FBXO34: variants seen among roughly 807,000 people sequenced by gnomAD.
The protein encoded by FBXO34 is F-box protein 34.
In FBXO34, 12 loss-of-function variants were observed where a neutral mutation model predicts 24.5. That is an observed-to-expected ratio of 0.49 (90% CI 0.31 to 0.79). The LOEUF (loss-of-function observed/expected upper bound fraction) is 0.79. Ranked by LOEUF, FBXO34 falls within the 30% of genes least tolerant of loss-of-function variation. The probability of loss-of-function intolerance (pLI) is 0.04; values close to 1 mark genes in which losing one functional copy is unlikely to be tolerated. For missense variants in FBXO34, 823 were observed against 857.7 expected (o/e 0.96, Z 0.51); for synonymous variants, 320 against 311.9 (o/e 1.03, Z -0.27).
the FBXO34 span, chr14:55,380,459 C>T: frequency 1.4e-6 from 1 of 693,318 alleles, no homozygotes. Context: ...ATCCGACCTT[C>T]TCTGTCTTGG....
At chr14:55,423,862 C>G in the FBXO34 span, among the ~76,000 whole-genome samples, 1 of 151,984 alleles carries the variant, frequency 6.6e-6, no homozygotes, top group Non-Finnish European at 1.5e-5. Context: ...CCATTAAAAG[C>G]CTTTATGAAG....
intron 1 of FBXO34, among the ~76,000 whole-genome samples, chr14:55,325,616 C>T (rs1176053174): frequency 6.6e-6 from 1 of 152,128 alleles, no homozygotes; most frequent in Non-Finnish European, 1.5e-5. Context: ...ACTGGGATTA[C>T]AGGCATGTGC....
intron 1 of FBXO34, among the ~76,000 whole-genome samples, chr14:55,313,885 T>C (rs1004511360): frequency 2.6e-5 from 4 of 152,144 alleles, no homozygotes; most frequent in African/African-American, 9.7e-5. Context: ...ACACAAAGCC[T>C]AACCATATCA....
the FBXO34 span, chr14:55,436,558 T>G: frequency 6.2e-7 from 1 of 1,611,372 alleles, no homozygotes; most frequent in Non-Finnish European, 8.5e-7. Flanking sequence ...AATAAAAACT[T>G]ACTGTAGTTG....
intron 1 of FBXO34, among the ~76,000 whole-genome samples, chr14:55,291,388 G>A (rs990632165): frequency 2.0e-5 from 3 of 152,138 alleles, no homozygotes; most frequent in Non-Finnish European, 2.9e-5. Context: ...TGCTAGTTGG[G>A]GTGAAGCATA....
downstream of FBXO34, among the ~76,000 whole-genome samples, chr14:55,372,764 T>C (rs1019070295): frequency 6.6e-6 from 1 of 152,120 alleles, no homozygotes; most frequent in Non-Finnish European, 1.5e-5. Context: ...TCTTCTTTGA[T>C]GCTGCCTTCT....
chr14:55,421,486 T>C, the FBXO34 span, among the ~76,000 whole-genome samples: 1 of 152,184 alleles, frequency 6.6e-6, no homozygotes, highest in African/African-American at 2.4e-5. Flanking sequence ...TTAATTAAGA[T>C]GAAGTCTCAC....
rs576786317 is a variant in FBXO34, at chr14:55,284,702, A to G, written c.-11+13165A>G. ...TGCATTCTTAGCTCACTGCACCTCAACCACCCAGGCTCAAGCAATCTTTCC... is the reference window on the plus strand; with the variant it reads ...TGCATTCTTAGCTCACTGCACCTCAGCCACCCAGGCTCAAGCAATCTTTCC... On this transcript the variant is annotated intron_variant, in intron 1 of 1. Transcript: ENST00000313833. Among the ~76,000 whole-genome samples the G allele has an allele frequency of 2.7e-5, 4 of 148,274 alleles. No homozygotes were observed. The East Asian group carries it at 7.8e-4, about 29-fold the overall frequency.
chr14:55,297,138 C>T (rs1472665243), intron 1 of FBXO34, among the ~76,000 whole-genome samples: 3 of 152,118 alleles, frequency 2.0e-5, no homozygotes, highest in Non-Finnish European at 4.4e-5. Context: ...CCATTTTGAA[C>T]CTGATTGGCA....
At chr14:55,287,808 A>T (rs1433538050) in intron 1 of FBXO34, among the ~76,000 whole-genome samples, 2 of 152,216 alleles carry the variant, frequency 1.3e-5, no homozygotes, top group East Asian at 3.8e-4. Context: ...CTGTGATTTT[A>T]TAAACTAGCA....
the FBXO34 span, among the ~76,000 whole-genome samples, chr14:55,376,830 A>G: frequency 6.6e-6 from 1 of 152,214 alleles, no homozygotes. Flanking sequence ...GCAAGGAAAA[A>G]AGGGCAAACA....
the FBXO34 span, among the ~76,000 whole-genome samples, chr14:55,383,595 A>C: frequency 8.1e-4 from 123 of 151,598 alleles, 1 homozygote; most frequent in South Asian, 1.3e-3. Flanking sequence ...CAACAAAAAA[A>C]ACCCCCAAGA....
At chr14:55,390,151 A>G in the FBXO34 span, among the ~76,000 whole-genome samples, 1 of 152,194 alleles carries the variant, frequency 6.6e-6, no homozygotes, top group South Asian at 2.1e-4. Context: ...GCTCACCGCA[A>G]TCTCCGCCTC....
downstream of FBXO34, chr14:55,366,706 G>C (rs1316451905): frequency 2.0e-5 from 3 of 152,464 alleles, no homozygotes; most frequent in Admixed American, 6.5e-5. Flanking sequence ...TGGTGCCTGT[G>C]GGTTTTTATT....
intron 1 of FBXO34, among the ~76,000 whole-genome samples, chr14:55,273,433 C>A (rs184184674): frequency 2.8e-4 from 42 of 152,302 alleles, no homozygotes; most frequent in Admixed American, 6.5e-5. Flanking sequence ...GTGTGCGCTA[C>A]TGAAAGTTGT....
intron 1 of FBXO34, among the ~76,000 whole-genome samples, chr14:55,297,814 A>G (rs1882193026): frequency 6.6e-6 from 1 of 152,166 alleles, no homozygotes; most frequent in Non-Finnish European, 1.5e-5. Flanking sequence ...CAGCCAAAAA[A>G]CCGGGAATGA....
intron 1 of FBXO34, among the ~76,000 whole-genome samples, chr14:55,319,547 T>C (rs1883055210): frequency 6.6e-6 from 1 of 152,260 alleles, no homozygotes; most frequent in African/African-American, 2.4e-5. Context: ...TTTTAATCCT[T>C]TGTAATTTTT....
the FBXO34 span, chr14:55,395,064 C>G: frequency 2.0e-6 from 1 of 502,004 alleles, no homozygotes; most frequent in Non-Finnish European, 4.0e-6. Flanking sequence ...CCTTTGCTCC[C>G]CTTTTCCCTT....
At chr14:55,387,006 T>C in the FBXO34 span, among the ~76,000 whole-genome samples, 10,551 of 152,242 alleles carry the variant, frequency 0.069, 431 homozygotes, top group South Asian at 0.11. Flanking sequence ...CAATTCCATT[T>C]CCAGTCCAAG....
Sources: gnomAD v4.1 joint callset for allele counts (sites outside exome capture counted in the v4.1 genomes callset) on GRCh38, gnomAD v4.1.1 for gene constraint, MANE v1.5 for transcripts, NCBI Gene and HGNC (gene_info 2026-07-23, HGNC 2026-07-21) for gene names.